MRPL23: variants seen among roughly 807,000 people sequenced by gnomAD.
MRPL23 encodes the protein large ribosomal subunit protein uL23m.
For synonymous variants in MRPL23, 12 were observed against 34.8 expected, an observed-to-expected ratio of 0.35 and a Z score of 2.30; for missense variants, 25 against 81.3, an observed-to-expected ratio of 0.31 and a Z score of 2.66.
downstream of MRPL23, among the ~76,000 whole-genome samples, chr11:1,966,894 T>G (rs1228545215): frequency 2.7e-4 from 2 of 7,352 alleles, 1 homozygote; most frequent in African/African-American, 2.9e-4. Context: ...GGCCTAGCTC[T>G]GCCCCCCAGG....
intron 5 of MRPL23, among the ~76,000 whole-genome samples, chr11:1,979,266 C>A (rs925959096): frequency 6.8e-6 from 1 of 146,990 alleles, no homozygotes; most frequent in Admixed American, 6.8e-5. Flanking sequence ...GTCACAGCCA[C>A]CACTGTACGC....
downstream of MRPL23, among the ~76,000 whole-genome samples, chr11:1,989,026 C>T (rs1184323267): frequency 1.4e-5 from 2 of 140,524 alleles, no homozygotes; most frequent in African/African-American, 5.0e-5. Flanking sequence ...CTGCTCAGGC[C>T]GACGCATCCC....
chr11:1,994,068 A>G, the MRPL23 span, among the ~76,000 whole-genome samples: 1 of 94,234 alleles, frequency 1.1e-5, no homozygotes, highest in African/African-American at 2.7e-5. Context: ...CAAGACCCCA[A>G]GGGCGGCTGG....
At chr11:1,992,443 C>T in the MRPL23 span, among the ~76,000 whole-genome samples, 1 of 74,044 alleles carries the variant, frequency 1.4e-5, no homozygotes, top group African/African-American at 3.2e-5. Context: ...CTAAACGTGC[C>T]GCAGAAACTT....
chr11:1,956,453 G>T lies in MRPL23; in HGVS notation c.*33G>T. ...GCCAGCAGGGACGCGCCCCAGGTGG[G>T]CAGCTGTGGCAGAGCAGCGACCCGC... On this transcript the variant is annotated 3_prime_UTR_variant, in exon 5 of 5. Coordinates refer to ENST00000397298, the MANE Select transcript of MRPL23 (RefSeq NM_021134.4). 1 of 791,662 alleles carries T rather than the reference G, an allele frequency of 1.3e-6. No homozygotes were observed. Among genetic ancestry groups the T allele is most frequent in the Non-Finnish European group, 1.6e-6 (1 of 626,676 alleles). The allele number at this position is 791,662 out of a possible 1,614,324, so 49.0% of individuals were successfully genotyped here. A position where few individuals can be genotyped will look rare whatever the true frequency, so the allele number is the denominator to read the frequency against.
chr11:1,983,739 C>G (rs1490777861), intron 5 of MRPL23: 1 of 145,840 alleles, frequency 6.9e-6, no homozygotes, highest in Admixed American at 6.8e-5. Context: ...GCACAAGGGT[C>G]CACGCCCACA....
chr11:1,950,688 A>C (rs217200), intron 1 of MRPL23, among the ~76,000 whole-genome samples: 18 of 19,764 alleles, frequency 9.1e-4, no homozygotes, highest in African/African-American at 1.4e-3. Context: ...CCCGCCCACC[A>C]CTGTTGGGAG....
chr11:1,953,922 TGGCCTCATAAA>T (rs1425360654), intron 4 of MRPL23, among the ~76,000 whole-genome samples: 1 of 88,196 alleles, frequency 1.1e-5, no homozygotes, highest in Non-Finnish European at 2.2e-5. Flanking sequence ...GAGCAGCCGT[TGGCCTCATAAA>T]GGCCTCTGTG....
intron 4 of MRPL23, among the ~76,000 whole-genome samples, chr11:1,968,707 TGTG>T (rs1856577121): frequency 7.1e-6 from 1 of 141,258 alleles, no homozygotes; most frequent in Admixed American, 7.1e-5. Flanking sequence ...GGGTGCCGTC[TGTG>T]GTGGACACGC....
At chr11:1,983,959 G>C (rs1027746434) in intron 5 of MRPL23, 1 of 118,810 alleles carries the variant, frequency 8.4e-6, no homozygotes. Context: ...CCGCCCTCCC[G>C]ACGAAGCTTC....
chr11:1,950,575 T>A (rs1054024123), intron 1 of MRPL23, among the ~76,000 whole-genome samples: 1 of 26,150 alleles, frequency 3.8e-5, no homozygotes, highest in African/African-American at 8.2e-5. Flanking sequence ...CCACCCCTGT[T>A]GTGAGTGGAC....
chr11:1,954,797 AG>A (rs1426804595), intron 4 of MRPL23, among the ~76,000 whole-genome samples: 2 of 21,978 alleles, frequency 9.1e-5, no homozygotes, highest in African/African-American at 1.6e-4. Flanking sequence ...TCCGGCCTCC[AG>A]GTCCAGGCAG....
chr11:1,988,885 G>C (rs1366643961), downstream of MRPL23, among the ~76,000 whole-genome samples: 2 of 145,870 alleles, frequency 1.4e-5, no homozygotes, highest in Non-Finnish European at 3.1e-5. Flanking sequence ...GGGCGGCCAA[G>C]CCTCTCCAGC....
In MRPL23 at chr11:1,956,412, G is replaced by C. The variant is rs140905528; in HGVS notation, c.454G>C (p.Gly152Arg). The C allele has an allele frequency of 8.5e-7, 1 of 1,171,914 alleles. No homozygotes were observed. The highest frequency in any genetic ancestry group is 1.1e-6 in the Non-Finnish European group (1 of 889,696). The allele number at this position is 1,171,914 out of a possible 1,614,324, so 72.6% of individuals were successfully genotyped here. The change falls in exon 5 of 5, where the codon GGG becomes CGG. Residue 152 changes from glycine (G) to arginine (R), a missense_variant. Transcript: ENST00000397298. ...GCGGGGCGGCGTCCCCAGCTGGTTC[G>C]GGCTGTGACGGGGTGGCCAGCAGGG... Reference protein sequence around the residue: ...PRRGGVPSWFGL With the variant: ...PRRGGVPSWFRL
rs1856265570 is a variant in MRPL23, at chr11:1,949,528, AC to A, written c.18-1370del. On this transcript the variant is annotated intron_variant, in intron 1 of 4. Coordinates refer to ENST00000397298, the MANE Select transcript of MRPL23 (RefSeq NM_021134.4). ...GCCCAGAGGCTCAGTGCTGCCTACC[AC>A]TGTTGGCCCTTCAGGAACACCCCAC... 1.9e-5 allele frequency: 2 copies of A among 103,710 alleles called. 1 individual carries two copies. The highest frequency in any genetic ancestry group is 3.8e-5 in the Non-Finnish European group (2 of 52,422). The allele number at this position is 103,710 out of a possible 1,614,324, so 6.4% of individuals were successfully genotyped here.
At chr11:1,959,281 G>A (rs1249079959), downstream of MRPL23, among the ~76,000 whole-genome samples, 2 of 73,206 alleles carry the variant, frequency 2.7e-5, 1 homozygote, top group African/African-American at 8.6e-5. Flanking sequence ...CCCCACTCAG[G>A]GTCTGGAAGG....
At chr11:1,994,616 C>G in the MRPL23 span, among the ~76,000 whole-genome samples, 1 of 91,010 alleles carries the variant, frequency 1.1e-5, no homozygotes, top group East Asian at 3.2e-4. Context: ...GGGGCCGTCC[C>G]TCCGGCGTGG....
intron 1 of MRPL23, 120 bp from the exon 2 acceptor site, chr11:1,950,779 T>G (rs184860947): frequency 7.8e-4 from 84 of 107,472 alleles, no homozygotes; most frequent in East Asian, 4.5e-3. Flanking sequence ...GGATCCGCAG[T>G]GTTAGCTACC....
intron 5 of MRPL23, chr11:1,983,473 C>T (rs373054634): frequency 1.2e-5 from 1 of 82,280 alleles, no homozygotes; most frequent in African/African-American, 4.3e-5. Context: ...GCACCTGGCC[C>T]GGCCAGCGGC....
Sources: gnomAD v4.1 joint callset for allele counts (sites outside exome capture counted in the v4.1 genomes callset) on GRCh38, gnomAD v4.1.1 for gene constraint, MANE v1.5 for transcripts, NCBI Gene and HGNC (gene_info 2026-07-23, HGNC 2026-07-21) for gene names.